ENOPH1: variants seen among roughly 807,000 people sequenced by gnomAD.
The protein encoded by ENOPH1 is enolase-phosphatase 1.
ENOPH1 carries 14 observed loss-of-function variants against 31.1 expected under a neutral mutation model. The ratio of observed to expected loss-of-function variants is 0.45; its 90% CI spans 0.30 to 0.70. The LOEUF (loss-of-function observed/expected upper bound fraction) is 0.70. Ranked by LOEUF, ENOPH1 falls within the 30% of genes least tolerant of loss-of-function variation. The pLI, the probability that ENOPH1 is intolerant of heterozygous loss-of-function variation, is 0.09. For missense variants in ENOPH1, 243 were observed against 321.5 expected, an observed-to-expected ratio of 0.76 and a Z score of 1.87; for synonymous variants, 127 against 123.2, an observed-to-expected ratio of 1.03 and a Z score of -0.21.
intron 1 of ENOPH1, among the ~76,000 whole-genome samples, chr4:82,441,450 G>A (rs1045444062): frequency 2.0e-5 from 3 of 151,982 alleles, no homozygotes; most frequent in African/African-American, 4.8e-5. Flanking sequence ...GTGAAACCCC[G>A]TTTCTGCTAA....
chr4:82,446,235 T>A (rs1282384324), intron 1 of ENOPH1, among the ~76,000 whole-genome samples: 2 of 152,096 alleles, frequency 1.3e-5, no homozygotes, highest in African/African-American at 2.4e-5. Flanking sequence ...CTGGCCAACA[T>A]GGTGAAACCC....
chr4:82,432,883 T>G (rs1352023302), intron 1 of ENOPH1, among the ~76,000 whole-genome samples: 1 of 152,220 alleles, frequency 6.6e-6, no homozygotes, highest in East Asian at 1.9e-4. Flanking sequence ...GTGCTGGGAT[T>G]ATAGGCGCGA....
At chr4:82,441,507 G>T (rs1015138095) in intron 1 of ENOPH1, among the ~76,000 whole-genome samples, 3 of 152,130 alleles carry the variant, frequency 2.0e-5, no homozygotes, top group African/African-American at 7.2e-5. Context: ...GGTGGCGGGT[G>T]CCTGTAGTCC....
intron 1 of ENOPH1, among the ~76,000 whole-genome samples, chr4:82,447,543 A>G (rs1722227863): frequency 1.3e-5 from 2 of 152,240 alleles, no homozygotes; most frequent in South Asian, 4.1e-4. Context: ...TTTCCTGTAA[A>G]GGACCAGACA....
Position 82,430,783 on chromosome 4 carries a change from C to G in ENOPH1, c.-47C>G, listed in dbSNP as rs771657127. On this transcript the variant is annotated 5_prime_UTR_variant, in exon 1 of 6. Transcript: ENST00000273920. ...CCGCAGCCGCAGCCGGCGCCGCCCTCCGCCCTCCCCAACAGCAGGCCGAGT... is the reference window on the plus strand; with the variant it reads ...CCGCAGCCGCAGCCGGCGCCGCCCTGCGCCCTCCCCAACAGCAGGCCGAGT... The G allele has an allele frequency of 5.1e-6, 8 of 1,580,112 alleles. No homozygotes were observed. The highest frequency in any genetic ancestry group is 1.7e-5 in the Admixed American group (1 of 59,808).
intron 1 of ENOPH1, among the ~76,000 whole-genome samples, chr4:82,444,164 G>A (rs545257680): frequency 2.0e-5 from 3 of 152,242 alleles, no homozygotes; most frequent in Non-Finnish European, 1.5e-5. Context: ...CGTGGGCCAC[G>A]GCGCCCGGCC....
intron 1 of ENOPH1, among the ~76,000 whole-genome samples, chr4:82,439,718 G>A (rs948480759): frequency 6.6e-6 from 1 of 152,204 alleles, no homozygotes; most frequent in Non-Finnish European, 1.5e-5. Context: ...GACATTATCA[G>A]TAAGTTGAGT....
chr4:82,436,965 C>A (rs1207559301), intron 1 of ENOPH1, among the ~76,000 whole-genome samples: 1 of 151,962 alleles, frequency 6.6e-6, no homozygotes. Flanking sequence ...GTAAATAATT[C>A]AGTATGGGCA....
At chr4:82,440,063 G>A (rs577383509) in intron 1 of ENOPH1, among the ~76,000 whole-genome samples, 6 of 152,124 alleles carry the variant, frequency 3.9e-5, no homozygotes, top group South Asian at 4.1e-4. Flanking sequence ...AAGGATTTGG[G>A]GATCATTAGT....
intron 3 of ENOPH1, among the ~76,000 whole-genome samples, chr4:82,451,736 G>A (rs1722357868): frequency 6.6e-6 from 1 of 152,176 alleles, no homozygotes; most frequent in African/African-American, 2.4e-5. Context: ...TGGTTATGGA[G>A]TTCCTAATAG....
intron 3 of ENOPH1, among the ~76,000 whole-genome samples, chr4:82,452,869 T>C (rs1722385891): frequency 6.6e-6 from 1 of 151,740 alleles, no homozygotes; most frequent in Admixed American, 6.6e-5. Flanking sequence ...ATTACAGGCG[T>C]GAGCCACTGT....
chr4:82,454,859 G>A lies in ENOPH1; in HGVS notation c.522+5G>A. On this transcript the variant is annotated splice_donor_5th_base_variant and intron_variant, in intron 4 of 5. Coordinates refer to ENST00000273920, the MANE Select transcript of ENOPH1 (RefSeq NM_021204.5). Reference sequence around the variant, plus strand: ...ACGGAGGGAGATATTCTTGAGGTAGGTTACCTAGTTTACTTTGTTGTTTTG... The same window carrying A: ...ACGGAGGGAGATATTCTTGAGGTAGATTACCTAGTTTACTTTGTTGTTTTG... The A allele has an allele frequency of 6.2e-7, 1 of 1,608,878 alleles. No homozygotes were observed. Among genetic ancestry groups the A allele is most frequent in the African/African-American group, 1.3e-5 (1 of 74,826 alleles).
At chr4:82,443,910 A>G (rs1303379841) in intron 1 of ENOPH1, among the ~76,000 whole-genome samples, 1 of 151,896 alleles carries the variant, frequency 6.6e-6, no homozygotes, top group Non-Finnish European at 1.5e-5. Context: ...CCTGTCACCC[A>G]GGGAGTACAG....
At position 82,447,907 on chromosome 4, in the gene ENOPH1, C is replaced by A; in HGVS notation, c.85-13C>A. On this transcript the variant is annotated splice_polypyrimidine_tract_variant and intron_variant, in intron 1 of 5. Coordinates refer to ENST00000273920, the MANE Select transcript of ENOPH1 (RefSeq NM_021204.5). The stretch of plus-strand genomic sequence containing the variant: ...AAGCTAACTCTTGTATTTTCTTTTA[C>A]TCTTTTATCCAGGACATTTTATTTC... 1 of 1,532,142 alleles carries A rather than the reference C, an allele frequency of 6.5e-7. No individual in the cohort carries two copies. Among genetic ancestry groups the A allele is most frequent in the South Asian group, 1.2e-5 (1 of 84,698 alleles). 94.9% of individuals were successfully genotyped at this position (1,532,142 alleles called of 1,614,324 possible).
In ENOPH1 at chr4:82,454,815, A is replaced by G; in HGVS notation, c.483A>G (p.Lys161=). 4 of 1,613,798 alleles carry G rather than the reference A, an allele frequency of 2.5e-6. No homozygotes were observed. The highest frequency in any genetic ancestry group is 3.4e-6 in the Non-Finnish European group (4 of 1,179,974). ...IYSSGSVEAQ[K]LLFGHSTEGD... ...CCTCAGGGAGTGTGGAGGCACAGAAACTGTTATTCGGGCATTCTACGGAGG... is the reference window on the plus strand; with the variant it reads ...CCTCAGGGAGTGTGGAGGCACAGAAGCTGTTATTCGGGCATTCTACGGAGG... The change falls in exon 4 of 6, where the codon AAA becomes AAG. Residue 161 remains lysine, a synonymous_variant. Transcript: ENST00000273920.
intron 1 of ENOPH1, among the ~76,000 whole-genome samples, chr4:82,443,086 G>A (rs2110040423): frequency 6.6e-6 from 1 of 152,196 alleles, no homozygotes; most frequent in Admixed American, 6.5e-5. Flanking sequence ...GACTACAGGC[G>A]GAGCCACCGC....
At position 82,442,291 on chromosome 4, in the gene ENOPH1, C is replaced by T. The variant is rs930555961; in HGVS notation, c.85-5629C>T. Among the ~76,000 whole-genome samples, 6 of 152,180 alleles carry T rather than the reference C, an allele frequency of 3.9e-5. No homozygotes were observed. In the South Asian group the frequency reaches 6.2e-4, roughly 16 times the overall value. On this transcript the variant is annotated intron_variant, in intron 1 of 5. Coordinates refer to ENST00000273920, the MANE Select transcript of ENOPH1 (RefSeq NM_021204.5). ...CCCAGCACTTTGGGAGGCCAAGATGCGGGGGATCATCAGAGGTCAGGAGTT... is the reference window on the plus strand; with the variant it reads ...CCCAGCACTTTGGGAGGCCAAGATGTGGGGGATCATCAGAGGTCAGGAGTT...
At chr4:82,431,464 G>T (rs187466443) in intron 1 of ENOPH1, among the ~76,000 whole-genome samples, 1 of 152,296 alleles carries the variant, frequency 6.6e-6, no homozygotes, top group East Asian at 1.9e-4. Context: ...ATTTTACTCT[G>T]TTAGGCGCTG....
At chr4:82,451,785 T>G (rs1040986262) in intron 3 of ENOPH1, among the ~76,000 whole-genome samples, 3 of 152,172 alleles carry the variant, frequency 2.0e-5, no homozygotes, top group Non-Finnish European at 2.9e-5. Context: ...TTATACTTAC[T>G]GAGAAATTCT....
Sources: gnomAD v4.1 joint callset for allele counts (sites outside exome capture counted in the v4.1 genomes callset) on GRCh38, gnomAD v4.1.1 for gene constraint, MANE v1.5 for transcripts, NCBI Gene and HGNC (gene_info 2026-07-23, HGNC 2026-07-21) for gene names.